Variants in LDB2 observed in about 807,000 individuals in gnomAD.
LDB2 encodes LIM domain-binding protein 2.
Under a neutral mutation model 44.3 loss-of-function variants are expected in LDB2, and 12 were observed. The ratio of observed to expected loss-of-function variants is 0.27; its 90% CI spans 0.17 to 0.44. LDB2 has a LOEUF of 0.44. Among genes scored for constraint, LDB2 ranks in the 20% least tolerant of loss-of-function variants. The pLI, the probability that LDB2 is intolerant of heterozygous loss-of-function variation, is 1.00. For synonymous variants in LDB2, 164 were observed against 174.8 expected (o/e 0.94, Z 0.49); for missense variants, 344 against 473.5 (o/e 0.73, Z 2.54).
intron 1 of LDB2, among the ~76,000 whole-genome samples, chr4:16,773,498 C>T (rs1041771317): frequency 6.6e-6 from 1 of 152,150 alleles, no homozygotes; most frequent in African/African-American, 2.4e-5. Context: ...AGCGTGCAAC[C>T]TCGATCCCTC....
At chr4:16,818,820 A>T (rs1221239281) in intron 1 of LDB2, among the ~76,000 whole-genome samples, 1 of 152,202 alleles carries the variant, frequency 6.6e-6, no homozygotes, top group Non-Finnish European at 1.5e-5. Context: ...GGGGATAAAG[A>T]CAGTATGTTA....
intron 1 of LDB2, among the ~76,000 whole-genome samples, chr4:16,811,994 T>C (rs764393897): frequency 4.6e-5 from 7 of 152,240 alleles, no homozygotes; most frequent in Non-Finnish European, 1.0e-4. Flanking sequence ...CCATCAAATC[T>C]TTATCTCTAT....
At chr4:16,781,058 A>G (rs1773109929) in intron 1 of LDB2, among the ~76,000 whole-genome samples, 2 of 151,666 alleles carry the variant, frequency 1.3e-5, no homozygotes, top group Non-Finnish European at 2.9e-5. Flanking sequence ...AGATTAATTG[A>G]CTCTTTCCAT....
intron 2 of LDB2, among the ~76,000 whole-genome samples, chr4:16,625,222 T>G (rs1297056751): frequency 2.0e-5 from 3 of 152,212 alleles, no homozygotes; most frequent in Non-Finnish European, 4.4e-5. Context: ...GAACTTCTTA[T>G]AGCCCCTTTG....
chr4:16,860,889 A>G (rs1211797509), intron 1 of LDB2, among the ~76,000 whole-genome samples: 1 of 151,418 alleles, frequency 6.6e-6, no homozygotes, highest in Non-Finnish European at 1.5e-5. Context: ...AAAAAACTGA[A>G]TACCCCAGGG....
chr4:16,845,813 A>T (rs1191865656), intron 1 of LDB2, among the ~76,000 whole-genome samples: 1 of 152,180 alleles, frequency 6.6e-6, no homozygotes, highest in Non-Finnish European at 1.5e-5. Flanking sequence ...GCCCAAAAGA[A>T]ATGAGCTAAT....
Position 16,869,201 on chromosome 4 carries a change from G to A in LDB2, c.132+29153C>T, listed in dbSNP as rs1018510702. Among the ~76,000 whole-genome samples, 4 of 151,746 alleles carry A rather than the reference G, an allele frequency of 2.6e-5. No homozygotes were observed. In the East Asian group the frequency reaches 5.8e-4, roughly 22 times the overall value. On this transcript the variant is annotated intron_variant, in intron 1 of 7. Transcript: ENST00000304523. Reference sequence around the variant, plus strand: ...GGAAGCTGGGGCCTAGAGAAGTTAAGTAACTGCCCAAAGACACACAGTAGT... The same window carrying A: ...GGAAGCTGGGGCCTAGAGAAGTTAAATAACTGCCCAAAGACACACAGTAGT...
chr4:16,797,771 T>C (rs1330533591), intron 1 of LDB2, among the ~76,000 whole-genome samples: 2 of 151,890 alleles, frequency 1.3e-5, no homozygotes, highest in African/African-American at 4.8e-5. Flanking sequence ...GCATGGTGGC[T>C]CTCCCCTGTA....
intron 5 of LDB2, among the ~76,000 whole-genome samples, chr4:16,535,483 T>C (rs1731509810): frequency 6.6e-6 from 1 of 152,186 alleles, no homozygotes; most frequent in Non-Finnish European, 1.5e-5. Flanking sequence ...CTATGTCAGA[T>C]ACAATAAACA....
At chr4:16,895,905 T>C (rs1187968329) in intron 1 of LDB2, among the ~76,000 whole-genome samples, 1 of 152,190 alleles carries the variant, frequency 6.6e-6, no homozygotes, top group Non-Finnish European at 1.5e-5. Context: ...CAAAATTTAA[T>C]ATTTGATGTA....
intron 2 of LDB2, among the ~76,000 whole-genome samples, chr4:16,746,871 ATCT>A (rs1764503238): frequency 1.3e-5 from 2 of 152,224 alleles, no homozygotes; most frequent in African/African-American, 4.8e-5. Flanking sequence ...GGAATGGGTC[ATCT>A]TCTCCTCAGG....
chr4:16,771,715 T>A (rs1399181125), intron 1 of LDB2, among the ~76,000 whole-genome samples: 1 of 152,192 alleles, frequency 6.6e-6, no homozygotes, highest in Non-Finnish European at 1.5e-5. Context: ...CTCCAACACA[T>A]GAATGGAAAT....
At chr4:16,715,250 T>C (rs1336949129) in intron 2 of LDB2, among the ~76,000 whole-genome samples, 2 of 152,196 alleles carry the variant, frequency 1.3e-5, no homozygotes, top group Admixed American at 1.3e-4. Flanking sequence ...AAGGATTCCA[T>C]GCTGCCTCCC....
At chr4:16,725,389 C>G (rs1759221492) in intron 2 of LDB2, among the ~76,000 whole-genome samples, 1 of 151,994 alleles carries the variant, frequency 6.6e-6, no homozygotes. Context: ...ATGCAGCCAC[C>G]TGTCCAGGAA....
intron 1 of LDB2, among the ~76,000 whole-genome samples, chr4:16,841,074 G>T (rs1346337429): frequency 2.0e-5 from 3 of 152,126 alleles, no homozygotes; most frequent in African/African-American, 7.2e-5. Flanking sequence ...TGTTTTGATT[G>T]GGTACACCAC....
At chr4:16,557,237 G>A (rs1016332929) in intron 5 of LDB2, among the ~76,000 whole-genome samples, 40 of 152,196 alleles carry the variant, frequency 2.6e-4, no homozygotes, top group Admixed American at 4.6e-4. Flanking sequence ...AGCACCGTGC[G>A]CAAGCCGAAG....
At chr4:16,594,705 A>G (rs1208750054) in intron 3 of LDB2, among the ~76,000 whole-genome samples, 3 of 152,218 alleles carry the variant, frequency 2.0e-5, no homozygotes, top group Non-Finnish European at 4.4e-5. Context: ...TAAGTAATAA[A>G]CACATCTTCA....
At chr4:16,699,506 G>A (rs1302040890) in intron 2 of LDB2, among the ~76,000 whole-genome samples, 1 of 152,114 alleles carries the variant, frequency 6.6e-6, no homozygotes, top group Admixed American at 6.5e-5. Context: ...CTTTTATTGT[G>A]TAATTAGGTA....
chr4:16,889,015 A>T (rs977071998), intron 1 of LDB2, among the ~76,000 whole-genome samples: 6 of 151,858 alleles, frequency 4.0e-5, no homozygotes, highest in Non-Finnish European at 8.8e-5. Flanking sequence ...CATATTCCCT[A>T]ACCAAAAGCT....
Sources: gnomAD v4.1 joint callset for allele counts (sites outside exome capture counted in the v4.1 genomes callset) on GRCh38, gnomAD v4.1.1 for gene constraint, MANE v1.5 for transcripts, NCBI Gene and HGNC (gene_info 2026-07-23, HGNC 2026-07-21) for gene names.